ADAMTS3: variants seen among roughly 807,000 people sequenced by gnomAD.
ADAMTS3 encodes A disintegrin and metalloproteinase with thrombospondin motifs 3.
ADAMTS3 carries 73 observed loss-of-function variants against 129.0 expected under a neutral mutation model. The ratio of observed to expected loss-of-function variants is 0.57; its 90% CI spans 0.47 to 0.69. The LOEUF is 0.69. Among genes scored for constraint, ADAMTS3 ranks in the 30% least tolerant of loss-of-function variants. The pLI, the probability that ADAMTS3 is intolerant of heterozygous loss-of-function variation, is 0.00. For synonymous variants in ADAMTS3, 477 were observed against 510.8 expected (o/e 0.93, Z 0.89); for missense variants, 1,457 against 1,514.5 (o/e 0.96, Z 0.63).
At chr4:72,467,547 A>T (rs1718955381) in intron 3 of ADAMTS3, among the ~76,000 whole-genome samples, 1 of 151,678 alleles carries the variant, frequency 6.6e-6, no homozygotes, top group African/African-American at 2.4e-5. Flanking sequence ...TTTATTCCAT[A>T]CTCTTACAAT....
intron 4 of ADAMTS3, among the ~76,000 whole-genome samples, chr4:72,383,706 A>G (rs1386373062): frequency 5.9e-5 from 9 of 152,182 alleles, no homozygotes; most frequent in Admixed American, 3.9e-4. Context: ...AAACAAAACA[A>G]AAAGCACACT....
intron 3 of ADAMTS3, among the ~76,000 whole-genome samples, chr4:72,539,134 C>G (rs1721253760): frequency 6.6e-6 from 1 of 151,808 alleles, no homozygotes; most frequent in Non-Finnish European, 1.5e-5. Flanking sequence ...ATCAAAGGCA[C>G]AGGAAACAAA....
intron 3 of ADAMTS3, among the ~76,000 whole-genome samples, chr4:72,498,869 C>CTT (rs1340286425): frequency 6.6e-6 from 1 of 152,074 alleles, no homozygotes; most frequent in East Asian, 1.9e-4. Context: ...TGTTCCAATA[C>CTT]TTCAAGTCCA....
intron 3 of ADAMTS3, among the ~76,000 whole-genome samples, chr4:72,417,693 C>T (rs1391138668): frequency 5.3e-5 from 8 of 151,670 alleles, no homozygotes; most frequent in Non-Finnish European, 7.4e-5. Flanking sequence ...CATTTTGGGA[C>T]GCCGAGATGG....
intron 3 of ADAMTS3, among the ~76,000 whole-genome samples, chr4:72,440,658 A>C (rs1006645152): frequency 3.4e-4 from 52 of 151,784 alleles, no homozygotes; most frequent in Non-Finnish European, 1.5e-4. Context: ...TTATATTCTC[A>C]CATGACTTTG....
chr4:72,541,162 C>T (rs1721313946), intron 3 of ADAMTS3, among the ~76,000 whole-genome samples: 1 of 152,198 alleles, frequency 6.6e-6, no homozygotes, highest in Non-Finnish European at 1.5e-5. Context: ...CATGGGAACC[C>T]ACCTCTTACA....
intron 3 of ADAMTS3, among the ~76,000 whole-genome samples, chr4:72,438,835 C>T (rs1368257008): frequency 6.6e-6 from 1 of 151,728 alleles, no homozygotes; most frequent in Non-Finnish European, 1.5e-5. Flanking sequence ...GCCCTCTCTG[C>T]ACTACATTTT....
intron 3 of ADAMTS3, among the ~76,000 whole-genome samples, chr4:72,437,922 G>C (rs1206542788): frequency 6.6e-6 from 1 of 151,718 alleles, no homozygotes; most frequent in Non-Finnish European, 1.5e-5. Flanking sequence ...CCCTCGATAA[G>C]ATTTTTTTCC....
At chr4:72,544,175 A>G (rs1271088287) in intron 3 of ADAMTS3, among the ~76,000 whole-genome samples, 1 of 152,116 alleles carries the variant, frequency 6.6e-6, no homozygotes, top group African/African-American at 2.4e-5. Context: ...TTGCTCAAAA[A>G]TTAATCAACT....
In ADAMTS3 at chr4:72,506,690, C is replaced by A. The variant is rs766453245; in HGVS notation, c.504+41788G>T. 8.5e-5 allele frequency among the ~76,000 whole-genome samples: 13 copies of A among 152,274 alleles called. No individual in the cohort carries two copies. In the South Asian group the frequency reaches 2.5e-3, roughly 29 times the overall value. On this transcript the variant is annotated intron_variant, in intron 3 of 21. Transcript: ENST00000286657. ...CCTCCAGGACCTGGGAGAAACAGAG[C>A]GTTCTTCCTTGACCTGGGTTGCTCA...
intron 4 of ADAMTS3, among the ~76,000 whole-genome samples, chr4:72,393,496 C>T (rs1179155093): frequency 1.3e-5 from 2 of 151,970 alleles, no homozygotes; most frequent in African/African-American, 4.8e-5. Flanking sequence ...AAAAGTCTTC[C>T]CTTAGCATCC....
chr4:72,530,357 A>C (rs1264874561), intron 3 of ADAMTS3, among the ~76,000 whole-genome samples: 6 of 85,140 alleles, frequency 7.0e-5, no homozygotes, highest in African/African-American at 9.7e-5. Context: ...ATATTAAATT[A>C]ATATATAAAT....
chr4:72,519,439 A>G (rs1289381424), intron 3 of ADAMTS3, among the ~76,000 whole-genome samples: 2 of 152,188 alleles, frequency 1.3e-5, no homozygotes, highest in African/African-American at 4.8e-5. Context: ...GTGTTTTCCA[A>G]CTTGGTTCCA....
intron 2 of ADAMTS3, among the ~76,000 whole-genome samples, chr4:72,561,986 T>C (rs1002240833): frequency 9.2e-5 from 14 of 152,198 alleles, no homozygotes; most frequent in Non-Finnish European, 1.6e-4. Flanking sequence ...CAGAGGTTGC[T>C]ATGCTAGGAA....
intron 4 of ADAMTS3, among the ~76,000 whole-genome samples, chr4:72,347,871 C>G (rs1165025679): frequency 1.3e-5 from 2 of 151,812 alleles, no homozygotes; most frequent in Non-Finnish European, 2.9e-5. Context: ...GGTGAGATTC[C>G]TTTTCACAGC....
At chr4:72,525,708 C>T (rs991659926) in intron 3 of ADAMTS3, among the ~76,000 whole-genome samples, 1 of 152,170 alleles carries the variant, frequency 6.6e-6, no homozygotes, top group Non-Finnish European at 1.5e-5. Flanking sequence ...AGCTATGCTT[C>T]TTGTTCACAG....
chr4:72,400,181 G>GGTGT (rs773694870), intron 4 of ADAMTS3, among the ~76,000 whole-genome samples: 27 of 134,546 alleles, frequency 2.0e-4, no homozygotes, highest in East Asian at 4.7e-4. Context: ...ATGCACACAT[G>GGTGT]GTATGTATAT....
At chr4:72,387,485 C>T (rs79059231) in intron 4 of ADAMTS3, among the ~76,000 whole-genome samples, 1 of 152,086 alleles carries the variant, frequency 6.6e-6, no homozygotes. Context: ...TATGCCAAAC[C>T]AGGTACTATT....
At chr4:72,382,543 A>G (rs957144920) in intron 4 of ADAMTS3, among the ~76,000 whole-genome samples, 12 of 152,136 alleles carry the variant, frequency 7.9e-5, no homozygotes, top group Admixed American at 6.6e-4. Flanking sequence ...TATCTACCCA[A>G]AGGAAAAGAA....
Sources: gnomAD v4.1 joint callset for allele counts (sites outside exome capture counted in the v4.1 genomes callset) on GRCh38, gnomAD v4.1.1 for gene constraint, MANE v1.5 for transcripts, NCBI Gene and HGNC (gene_info 2026-07-23, HGNC 2026-07-21) for gene names.